Variants in PDE1C observed in about 807,000 individuals in gnomAD.
PDE1C encodes dual specificity calcium/calmodulin-dependent 3',5'-cyclic nucleotide phosphodiesterase 1C.
A neutral mutation model predicts 93.1 loss-of-function variants in PDE1C; 62 were observed. That is an observed-to-expected ratio of 0.67 (90% CI 0.54 to 0.82). The LOEUF is 0.82. Among genes scored for constraint, PDE1C ranks in the 40% least tolerant of loss-of-function variants. The pLI is 0.00. For synonymous variants in PDE1C, 325 were observed against 310.1 expected, an observed-to-expected ratio of 1.05 and a Z score of -0.50; for missense variants, 742 against 884.6, an observed-to-expected ratio of 0.84 and a Z score of 2.04.
chr7:32,041,192 T>C (rs1791762608), intron 2 of PDE1C, among the ~76,000 whole-genome samples: 1 of 152,140 alleles, frequency 6.6e-6, no homozygotes, highest in Non-Finnish European at 1.5e-5. Flanking sequence ...ACTATTTCCA[T>C]TTACCAAAAG....
At chr7:32,232,271 A>G (rs1231879499) in intron 1 of PDE1C, among the ~76,000 whole-genome samples, 1 of 152,210 alleles carries the variant, frequency 6.6e-6, no homozygotes, top group Non-Finnish European at 1.5e-5. Context: ...ATTCTAGGTG[A>G]ATCCTTCCAG....
intron 1 of PDE1C, among the ~76,000 whole-genome samples, chr7:32,273,488 A>C (rs1811095357): frequency 6.6e-6 from 1 of 152,218 alleles, no homozygotes; most frequent in Non-Finnish European, 1.5e-5. Flanking sequence ...CACAGTAGAC[A>C]TAGGGTTATC....
chr7:32,169,760 C>G, intron 3 of PDE1C: 4 of 1,603,008 alleles, frequency 2.5e-6, no homozygotes, highest in Non-Finnish European at 3.4e-6. Flanking sequence ...TAAGAAGGAA[C>G]ACATTGAGTT....
rs192444792 is a variant in PDE1C, at chr7:32,323,209, A to G, written c.310+104613T>C. Among the ~76,000 whole-genome samples the G allele has an allele frequency of 1.6e-3, 247 of 152,306 alleles. 1 individual carries two copies. Among genetic ancestry groups the G allele is most frequent in the Non-Finnish European group, 2.7e-3 (183 of 68,024 alleles). On this transcript the variant is annotated intron_variant, in intron 1 of 1. Transcript: ENST00000672256. ...TTACAAAGAATGTTGTGCTGGTAAA[A>G]AGTGCTCCAGAATAGAAAAAGCCAA...
At chr7:32,026,381 C>T (rs893935039) in intron 2 of PDE1C, among the ~76,000 whole-genome samples, 1 of 152,112 alleles carries the variant, frequency 6.6e-6, no homozygotes, top group Admixed American at 6.6e-5. Flanking sequence ...CATTCACTGT[C>T]GATCTCAGAA....
At chr7:31,868,687 G>A (rs1281933095) in intron 6 of PDE1C, among the ~76,000 whole-genome samples, 2 of 152,010 alleles carry the variant, frequency 1.3e-5, no homozygotes, top group Non-Finnish European at 2.9e-5. Context: ...CCCAGACACA[G>A]GAAGCTCAAA....
the PDE1C span, among the ~76,000 whole-genome samples, chr7:31,705,986 A>ATTTTTTTTTTTTTTTTTT: frequency 1.3e-4 from 7 of 52,514 alleles, 1 homozygote; most frequent in African/African-American, 5.3e-4. Flanking sequence ...CAGACCAGTA[A>ATTTTTTTTTTTTTTTTTT]TTTTTTTTTT....
intron 2 of PDE1C, among the ~76,000 whole-genome samples, chr7:32,206,267 G>A (rs1451884577): frequency 6.6e-6 from 1 of 152,088 alleles, no homozygotes; most frequent in Non-Finnish European, 1.5e-5. Context: ...TGATTAGGAT[G>A]CAGAGGAGCA....
chr7:31,749,191 C>T (rs75845558), downstream of PDE1C, among the ~76,000 whole-genome samples: 120 of 152,116 alleles, frequency 7.9e-4, no homozygotes, highest in African/African-American at 2.7e-3. Flanking sequence ...TTTGCATTCT[C>T]TAAGCACCTA....
At chr7:32,206,992 A>G (rs999148639) in intron 2 of PDE1C, among the ~76,000 whole-genome samples, 2 of 151,976 alleles carry the variant, frequency 1.3e-5, no homozygotes, top group African/African-American at 4.8e-5. Context: ...TAGGAGAATG[A>G]CTTCCCCATG....
intron 9 of PDE1C, among the ~76,000 whole-genome samples, chr7:31,846,233 C>CTTTTTTTTTTTTTTTTT (rs371624212): frequency 7.7e-6 from 1 of 129,962 alleles, no homozygotes; most frequent in Non-Finnish European, 1.6e-5. Flanking sequence ...CTTTTTTTTT[C>CTTTTTTTTTTTTTTTTT]TTTTTTTTTT....
At chr7:32,386,693 G>A (rs1005520834) in intron 1 of PDE1C, among the ~76,000 whole-genome samples, 1 of 142,564 alleles carries the variant, frequency 7.0e-6, no homozygotes, top group Non-Finnish European at 1.5e-5. Context: ...GGCTGGTCTT[G>A]AACTCCTCCT....
At chr7:32,017,985 T>TTG in intron 2 of PDE1C, among the ~76,000 whole-genome samples, 1 of 151,368 alleles carries the variant, frequency 6.6e-6, no homozygotes, top group East Asian at 1.9e-4. Context: ...GAGGCTGAGG[T>TTG]AGGAGGATTG....
At chr7:31,635,851 C>T in the PDE1C span, among the ~76,000 whole-genome samples, 2 of 151,918 alleles carry the variant, frequency 1.3e-5, no homozygotes, top group Non-Finnish European at 2.9e-5. Flanking sequence ...GGTGATTGGC[C>T]GATAGGTGCA....
intron 2 of PDE1C, among the ~76,000 whole-genome samples, chr7:32,188,669 T>C (rs1222965763): frequency 6.6e-6 from 1 of 152,150 alleles, no homozygotes; most frequent in Non-Finnish European, 1.5e-5. Flanking sequence ...ATTTGCATTT[T>C]TCTTTGGGCT....
chr7:32,420,544 G>T (rs1785409791), intron 1 of PDE1C, among the ~76,000 whole-genome samples: 1 of 139,224 alleles, frequency 7.2e-6, no homozygotes, highest in East Asian at 2.2e-4. Context: ...ACAGAGCAAG[G>T]CTCCATCTCA....
At position 31,850,540 on chromosome 7, in the gene PDE1C, A is replaced by G. The variant is rs76285788; in HGVS notation, c.851+101T>C. 1.6e-3 allele frequency: 1,258 copies of G among 786,350 alleles called. 5 individuals are homozygous for G. Among genetic ancestry groups the G allele is most frequent in the Middle Eastern group, 5.5e-3 (24 of 4,346 alleles). The allele number at this position is 786,350 out of a possible 1,614,324, so 48.7% of individuals were successfully genotyped here. A position where few individuals can be genotyped will look rare whatever the true frequency, so the allele number is the denominator to read the frequency against. On this transcript the variant is annotated intron_variant, in intron 8 of 17. Coordinates refer to ENST00000396191, the MANE Select transcript of PDE1C (RefSeq NM_001191057.4). ...GTTCATTGTTTCAGAAATTCAAAAT[A>G]GGAAACCTATGCAAAAGAAAGGTGA...
At chr7:32,077,346 C>A (rs925773094) in intron 3 of PDE1C, among the ~76,000 whole-genome samples, 2 of 152,116 alleles carry the variant, frequency 1.3e-5, no homozygotes, top group African/African-American at 4.8e-5. Flanking sequence ...TGGCAGGACA[C>A]AAAGGGACAG....
intron 2 of PDE1C, among the ~76,000 whole-genome samples, chr7:32,170,864 C>A (rs1322988090): frequency 6.6e-6 from 1 of 152,132 alleles, no homozygotes; most frequent in Non-Finnish European, 1.5e-5. Flanking sequence ...CATCTACCTC[C>A]CTTATAGGAC....
Sources: gnomAD v4.1 joint callset for allele counts (sites outside exome capture counted in the v4.1 genomes callset) on GRCh38, gnomAD v4.1.1 for gene constraint, MANE v1.5 for transcripts, NCBI Gene and HGNC (gene_info 2026-07-23, HGNC 2026-07-21) for gene names.